The following PSMA8 variants were observed in gnomAD, a reference collection of about 807,000 sequenced individuals.
PSMA8 encodes proteasome 20S subunit alpha 8.
Under a neutral mutation model 32.4 loss-of-function variants are expected in PSMA8, and 18 were observed. That is an observed-to-expected ratio of 0.56 (90% CI 0.38 to 0.82). The LOEUF is 0.82. Among genes scored for constraint, PSMA8 ranks in the 40% least tolerant of loss-of-function variants. The pLI, the probability that PSMA8 is intolerant of heterozygous loss-of-function variation, is 0.00. For missense variants in PSMA8, 298 were observed against 300.7 expected (o/e 0.99, Z 0.07); for synonymous variants, 104 against 98.1 (o/e 1.06, Z -0.36).
At chr18:26,170,746 C>G in intron 4 of PSMA8, 1 of 1,533,724 alleles carries the variant, frequency 6.5e-7, no homozygotes, top group East Asian at 2.4e-5. Flanking sequence ...TCATATACTT[C>G]AAATTTGTAC....
At chr18:26,174,555 A>C (rs2055249481) in intron 4 of PSMA8, among the ~76,000 whole-genome samples, 1 of 152,216 alleles carries the variant, frequency 6.6e-6, no homozygotes, top group African/African-American at 2.4e-5. Context: ...TGGTTACTTA[A>C]TTTAAAAGCT....
chr18:26,140,502 C>G (rs1598640967), intron 1 of PSMA8, among the ~76,000 whole-genome samples: 2 of 152,330 alleles, frequency 1.3e-5, no homozygotes, highest in African/African-American at 4.8e-5. Flanking sequence ...GCTTTGGTCT[C>G]TCACCTGGAT....
chr18:26,177,030 T>C (rs2055269399), intron 4 of PSMA8, among the ~76,000 whole-genome samples: 1 of 152,162 alleles, frequency 6.6e-6, no homozygotes, highest in African/African-American at 2.4e-5. Flanking sequence ...TTTGTTCTTT[T>C]TACTCTGTAA....
chr18:26,184,560 G>A (rs2055337238), intron 6 of PSMA8, among the ~76,000 whole-genome samples: 1 of 149,548 alleles, frequency 6.7e-6, no homozygotes, highest in South Asian at 2.1e-4. Flanking sequence ...ATCACCTGAG[G>A]TCAGGGGTTC....
At chr18:26,185,808 T>C (rs1280851594) in intron 6 of PSMA8, among the ~76,000 whole-genome samples, 6 of 151,086 alleles carry the variant, frequency 4.0e-5, no homozygotes, top group Admixed American at 4.0e-4. Context: ...TTTGTTTCTT[T>C]ACAGAGTTTT....
chr18:26,151,896 C>G lies in PSMA8; in HGVS notation c.268C>G (p.Arg90Gly). ...ADARVVINRA[R>G]VECQSHKLTV... The stretch of plus-strand genomic sequence containing the variant: ...TGCTAGAGTAGTAATAAACAGAGCC[C>G]GTGTGGAGTGCCAGAGCCATAAGCT... The change falls in exon 3 of 7, where the codon CGT becomes GGT. Residue 90 changes from arginine (R) to glycine (G), a missense_variant. Arg to Gly is a moderately radical substitution (Grantham distance 125). Transcript: ENST00000415576. 6.2e-7 allele frequency: 1 copy of G among 1,611,582 alleles called. No individual in the cohort carries two copies.
At chr18:26,145,875 C>T (rs371741732) in intron 2 of PSMA8, among the ~76,000 whole-genome samples, 1 of 152,022 alleles carries the variant, frequency 6.6e-6, no homozygotes, top group Non-Finnish European at 1.5e-5. Flanking sequence ...GGACAAATTC[C>T]TAAGAGTATA....
chr18:26,182,847 T>G (rs1373668649), intron 6 of PSMA8, among the ~76,000 whole-genome samples: 1 of 152,114 alleles, frequency 6.6e-6, no homozygotes, highest in Non-Finnish European at 1.5e-5. Flanking sequence ...TCCCAGCACT[T>G]TGGGAGGCCG....
intron 6 of PSMA8, among the ~76,000 whole-genome samples, chr18:26,187,842 T>C (rs2055368969): frequency 6.6e-6 from 1 of 151,544 alleles, no homozygotes; most frequent in East Asian, 1.9e-4. Context: ...ATAGCTAGAG[T>C]CTTCAACACC....
chr18:26,171,768 T>C (rs535154659), intron 4 of PSMA8, among the ~76,000 whole-genome samples: 1 of 152,280 alleles, frequency 6.6e-6, no homozygotes, highest in Admixed American at 6.5e-5. Context: ...AGTTTCTCAT[T>C]ATTGGGTCTG....
intron 1 of PSMA8, among the ~76,000 whole-genome samples, chr18:26,143,255 C>T (rs2054973994): frequency 6.6e-6 from 1 of 152,164 alleles, no homozygotes; most frequent in African/African-American, 2.4e-5. Flanking sequence ...TCCATGTACT[C>T]CAATTTCCTC....
chr18:26,144,805 A>G lies in PSMA8; in HGVS notation c.229+120A>G, dbSNP rs2054989450. 4.5e-6 allele frequency: 4 copies of G among 893,634 alleles called. No homozygotes were observed. In the South Asian group the frequency reaches 9.1e-5, roughly 20 times the overall value. The allele number at this position is 893,634 out of a possible 1,614,324, so 55.4% of individuals were successfully genotyped here. On this transcript the variant is annotated intron_variant, in intron 2 of 6. Coordinates refer to ENST00000415576, the MANE Select transcript of PSMA8 (RefSeq NM_001025096.2). The stretch of plus-strand genomic sequence containing the variant: ...CATGTGGAGTTGTTCTACAAACAAT[A>G]TATCCTACGTTTTAAAGCAAATACT...
chr18:26,167,425 A>T (rs978358451), intron 4 of PSMA8, among the ~76,000 whole-genome samples: 7 of 152,344 alleles, frequency 4.6e-5, no homozygotes, highest in Non-Finnish European at 1.0e-4. Flanking sequence ...CTTCTCAAAA[A>T]AATAGTTTTT....
chr18:26,179,175 AT>A (rs2055288990), intron 6 of PSMA8, 45 bp downstream of exon 6: 1 of 1,512,842 alleles, frequency 6.6e-7, no homozygotes, highest in South Asian at 1.2e-5. Context: ...AGTATAAAGT[AT>A]TTTGACAAAA....
At chr18:26,138,073 G>T (rs569751787) in intron 1 of PSMA8, among the ~76,000 whole-genome samples, 4 of 152,332 alleles carry the variant, frequency 2.6e-5, no homozygotes, top group Admixed American at 2.6e-4. Context: ...AGAAACTGGT[G>T]CCAGATCATG....
At chr18:26,153,834 G>T (rs977102517) in intron 3 of PSMA8, among the ~76,000 whole-genome samples, 8 of 152,098 alleles carry the variant, frequency 5.3e-5, no homozygotes, top group African/African-American at 1.9e-4. Context: ...TAGAGTAAAT[G>T]ATTTAAGACA....
At chr18:26,173,743 A>AT (rs1183012016) in intron 4 of PSMA8, among the ~76,000 whole-genome samples, 1 of 151,812 alleles carries the variant, frequency 6.6e-6, no homozygotes, top group East Asian at 1.9e-4. Flanking sequence ...TTTAGTAGAG[A>AT]TGGGGTTTCT....
intron 3 of PSMA8, among the ~76,000 whole-genome samples, chr18:26,153,855 T>A (rs1466743833): frequency 1.3e-5 from 2 of 152,198 alleles, no homozygotes; most frequent in East Asian, 3.8e-4. Context: ...TTTTAGGTTT[T>A]TAGAACACTT....
At chr18:26,140,390 A>G (rs1188026147) in intron 1 of PSMA8, among the ~76,000 whole-genome samples, 2 of 152,186 alleles carry the variant, frequency 1.3e-5, no homozygotes, top group African/African-American at 2.4e-5. Context: ...CATGGATGGT[A>G]TCTCTCTCTG....
Sources: allele counts gnomAD v4.1 joint callset (sites outside exome capture counted in the v4.1 genomes callset), GRCh38; gene constraint gnomAD v4.1.1; transcripts MANE v1.5; gene names NCBI Gene and HGNC (gene_info 2026-07-23, HGNC 2026-07-21).